COL18A1: variants seen among roughly 807,000 people sequenced by gnomAD.
COL18A1 encodes the protein collagen alpha-1(XVIII) chain.
In COL18A1, 133 loss-of-function variants were observed where a neutral mutation model predicts 168.0. That is an observed-to-expected ratio of 0.79 (90% confidence interval 0.69 to 0.91). The LOEUF is 0.91. Ranked by LOEUF, COL18A1 falls within the 40% of genes least tolerant of loss-of-function variation. COL18A1 has a pLI of 0.00. For missense variants in COL18A1, 2,126 were observed against 1,925.4 expected, an observed-to-expected ratio of 1.10 and a Z score of -1.95; for synonymous variants, 949 against 809.0, an observed-to-expected ratio of 1.17 and a Z score of -2.94.
chr21:45,507,540 G>C (rs2037290656), intron 37 of COL18A1, 21 bp from the exon 38 acceptor site: 1 of 1,610,936 alleles, frequency 6.2e-7, no homozygotes, highest in African/African-American at 1.3e-5. Flanking sequence ...GGTCCTGGGT[G>C]ACCCTGCTGC....
At chr21:45,510,492 GCC>G (rs950172710) in intron 40 of COL18A1, among the ~76,000 whole-genome samples, 2 of 152,058 alleles carry the variant, frequency 1.3e-5, no homozygotes, top group African/African-American at 2.4e-5. Context: ...ATCCCATGAG[GCC>G]CCCCCGTGGC....
intron 2 of COL18A1, among the ~76,000 whole-genome samples, chr21:45,451,708 G>A (rs1245689645): frequency 1.3e-5 from 2 of 152,328 alleles, no homozygotes; most frequent in African/African-American, 2.4e-5. Context: ...AAGTCAGACT[G>A]GGAAGGTCGA....
rs988094222 is a variant in COL18A1, at chr21:45,443,984, C to T, written c.107-24258C>T. Among the ~76,000 whole-genome samples, 7 of 152,144 alleles carry T rather than the reference C, an allele frequency of 4.6e-5. No individual in the cohort carries two copies. Among genetic ancestry groups the T allele is most frequent in the Admixed American group, 6.5e-5 (1 of 15,268 alleles). Reference sequence around the variant, plus strand: ...GTCACAGGGCGAGTAGGTGTCTGGCCCTACCACTGGGGGGCCATGTTGCCA... The same window carrying T: ...GTCACAGGGCGAGTAGGTGTCTGGCTCTACCACTGGGGGGCCATGTTGCCA... On this transcript the variant is annotated intron_variant, in intron 2 of 41. Coordinates refer to ENST00000651438, the MANE Select transcript of COL18A1 (RefSeq NM_001379500.1). This position sits in a 1 kb window ranked among gnomAD's most constrained non-coding sequence, Gnocchi z 5.2.
Position 45,452,405 on chromosome 21 carries a change from CGT to C in COL18A1, c.107-15830_107-15829del, listed in dbSNP as rs369690505. Reference sequence around the variant, plus strand: ...TGTGTATGCATGTATTCATGTGTGACGTGTGTGTATATATGTGAGCTTGTGTA... The same window carrying C: ...TGTGTATGCATGTATTCATGTGTGACGTGTGTATATATGTGAGCTTGTGTA... On this transcript the variant is annotated intron_variant, in intron 2 of 41. Transcript: ENST00000651438. 6.9e-3 allele frequency among the ~76,000 whole-genome samples: 1,055 copies of C among 152,066 alleles called. 6 individuals are homozygous for C. Among genetic ancestry groups the C allele is most frequent in the South Asian group, 0.021 (100 of 4,810 alleles).
chr21:45,445,492 G>A (rs141857980), intron 2 of COL18A1, among the ~76,000 whole-genome samples: 8 of 152,280 alleles, frequency 5.3e-5, no homozygotes, highest in Non-Finnish European at 1.2e-4. Flanking sequence ...GAATCACTGG[G>A]ACTATGGTAA....
chr21:45,407,230 A>G (rs2033144970), intron 2 of COL18A1, among the ~76,000 whole-genome samples: 1 of 152,178 alleles, frequency 6.6e-6, no homozygotes, highest in African/African-American at 2.4e-5. Flanking sequence ...TGAAATGCTG[A>G]CTCTGGCGAG....
intron 2 of COL18A1, among the ~76,000 whole-genome samples, chr21:45,437,602 TCAGA>T (rs1246298917): frequency 2.3e-4 from 4 of 17,734 alleles, no homozygotes; most frequent in Non-Finnish European, 2.7e-4. Context: ...ACTCACACAC[TCAGA>T]CACACAGGCA....
chr21:45,429,031 T>C (rs1470480681), intron 2 of COL18A1, among the ~76,000 whole-genome samples: 1 of 151,878 alleles, frequency 6.6e-6, no homozygotes, highest in Non-Finnish European at 1.5e-5. Context: ...GCCTCCCGAG[T>C]AGCTGGGACT....
intron 32 of COL18A1, 103 bp from the exon 33 acceptor site, chr21:45,503,908 C>G: frequency 8.2e-7 from 1 of 1,217,112 alleles, no homozygotes. Flanking sequence ...CGCGAAATGG[C>G]TAGAAGGGCC....
rs372126681 is a variant in COL18A1, at chr21:45,498,382, G to C, written c.2683+721G>C. The C allele has an allele frequency of 4.6e-6, 3 of 654,946 alleles. No individual in the cohort carries two copies. The Admixed American group carries it at 6.7e-5, about 15-fold the overall frequency. 40.6% of individuals were successfully genotyped at this position (654,946 alleles called of 1,614,324 possible). A position where few individuals can be genotyped will look rare whatever the true frequency, so the allele number is the denominator to read the frequency against. ...CCTCTCGCCACCACGGTCCCCTCTC[G>C]CCGCCAGGGTCCCCTCTCGCCGCCA... On this transcript the variant is annotated intron_variant, in intron 32 of 41. Coordinates refer to ENST00000651438, the MANE Select transcript of COL18A1 (RefSeq NM_001379500.1). The surrounding 1 kb of genome is among the most constrained non-coding windows in gnomAD (Gnocchi z 4.5).
rs867879669 is a variant in COL18A1 at position 45,462,574 on chromosome 21, T to C, written c.107-5668T>C. 5.9e-5 allele frequency among the ~76,000 whole-genome samples: 9 copies of C among 152,242 alleles called. No homozygotes were observed. The South Asian group carries it at 1.9e-3, about 31-fold the overall frequency. On this transcript the variant is annotated intron_variant, in intron 2 of 41. Coordinates refer to ENST00000651438, the MANE Select transcript of COL18A1 (RefSeq NM_001379500.1). ...GTTTTCAATTTCAGCTATTGTACTT[T>C]TCAGTTCTGTAATTTCTTTCTGGTT... is the stretch of plus-strand genomic sequence containing the variant.
intron 5 of COL18A1, 96 bp downstream of exon 5, chr21:45,475,631 C>T: frequency 9.5e-7 from 1 of 1,047,318 alleles, no homozygotes; most frequent in African/African-American, 1.6e-5. Flanking sequence ...GGTGTGGCTC[C>T]AAGAGCTCCC....
At chr21:45,476,613 T>A (rs2035665959) in intron 6 of COL18A1, 133 bp downstream of exon 6, 1 of 1,143,484 alleles carries the variant, frequency 8.7e-7, no homozygotes, top group Non-Finnish European at 1.3e-6. Flanking sequence ...TACATGTGTG[T>A]GTGATATGGC....
chr21:45,502,754 C>T (rs2036932176), intron 32 of COL18A1: 1 of 152,202 alleles, frequency 6.6e-6, no homozygotes, highest in Admixed American at 6.5e-5. Flanking sequence ...ACCCTCAAGT[C>T]AGGGCCAAGA....
At chr21:45,419,866 C>G (rs957463177) in intron 2 of COL18A1, 1 of 152,258 alleles carries the variant, frequency 6.6e-6, no homozygotes, top group African/African-American at 2.4e-5. Flanking sequence ...CCTGGACCCC[C>G]CTCCTGAGAA....
rs185357103 is a variant in COL18A1 at position 45,405,320 on chromosome 21, C to T, written c.12-59C>T. On this transcript the variant is annotated intron_variant, in intron 1 of 41. Transcript: ENST00000651438. ...GGTCGCGGGGGTCGCGGGGCTCGGCCGGGTCCTGCGGGGGTCGCGGGGGTC... is the reference window on the plus strand; with the variant it reads ...GGTCGCGGGGGTCGCGGGGCTCGGCTGGGTCCTGCGGGGGTCGCGGGGGTC... The T allele has an allele frequency of 0.022, 8,199 of 377,050 alleles. 185 individuals carry two copies. Among genetic ancestry groups the T allele is most frequent in the African/African-American group, 0.17 (3,493 of 20,026 alleles). 23.4% of individuals were successfully genotyped at this position (377,050 alleles called of 1,614,324 possible).
At position 45,512,192 on chromosome 21, in the gene COL18A1, CAGA is replaced by C; in HGVS notation, c.3818_3820del (p.Lys1273del). 6.2e-7 allele frequency: 1 copy of C among 1,612,100 alleles called. No homozygotes were observed. On this transcript the variant is annotated inframe_deletion, in exon 42 of 42. Transcript: ENST00000651438. ...ACGGCCCGGCGCGTCTTACAGGCCCCAGAAGAGCGTGTGGCATGGCTCGGACCC... is the reference window on the plus strand; with the variant it reads ...ACGGCCCGGCGCGTCTTACAGGCCCCAGAGCGTGTGGCATGGCTCGGACCC...
rs550771545 is a variant in COL18A1 at position 45,409,569 on chromosome 21, C to G, written c.106+4096C>G. ...GAGACCCGCCTGCTGGGAGCCTTGC[C>G]AGGGCCAGCACTGGGCGGTCACAGG... On this transcript the variant is annotated intron_variant, in intron 2 of 41. Coordinates refer to ENST00000651438, the MANE Select transcript of COL18A1 (RefSeq NM_001379500.1). Among the ~76,000 whole-genome samples the G allele has an allele frequency of 1.7e-4, 26 of 152,268 alleles. 2 individuals carry two copies. The highest frequency in any genetic ancestry group is 6.0e-4 in the African/African-American group (25 of 41,562).
chr21:45,468,325 G>T lies in COL18A1; in HGVS notation c.190G>T (p.Val64Phe). The T allele has an allele frequency of 1.9e-6, 3 of 1,613,454 alleles. No homozygotes were observed. The highest frequency in any genetic ancestry group is 2.5e-6 in the Non-Finnish European group (3 of 1,180,034). ...QQVTQTDDPD[V>F]GLAYVFGPDA... ...GGTCACCCAGACGGATGACCCCGAC[G>T]TCGGGCTGGCCTACGTCTTTGGGCC... Residue 64 changes from valine (V) to phenylalanine (F), a missense_variant, in exon 3 of 42, where the codon GTC becomes TTC. Val to Phe is a conservative substitution (Grantham distance 50, BLOSUM62 -1). Transcript: ENST00000651438.
Sources: gnomAD v4.1 joint callset for allele counts (sites outside exome capture counted in the v4.1 genomes callset) on GRCh38, gnomAD v4.1.1 for gene constraint, Gnocchi (gnomAD v3.1) non-coding constraint, MANE v1.5 for transcripts, NCBI Gene and HGNC (gene_info 2026-07-23, HGNC 2026-07-21) for gene names.